Variants in COMMD10 observed in about 807,000 individuals in gnomAD.
COMMD10 encodes COMM domain containing 10, also known as COMM domain-containing protein 10.
Under a neutral mutation model 28.9 loss-of-function variants are expected in COMMD10, and 33 were observed. That is an observed-to-expected ratio of 1.14 (90% CI 0.87 to 1.53). COMMD10 has a LOEUF of 1.53. COMMD10 is among the 40% of genes most tolerant of loss of function. The pLI is 0.00. For missense variants in COMMD10, 310 were observed against 233.4 expected (o/e 1.33, Z -2.14); for synonymous variants, 110 against 81.7 (o/e 1.35, Z -1.87).
At chr5:116,104,198 C>G (rs1327372141) in intron 4 of COMMD10, among the ~76,000 whole-genome samples, 2 of 152,126 alleles carry the variant, frequency 1.3e-5, no homozygotes, top group African/African-American at 4.8e-5. Flanking sequence ...TCAATGGTAG[C>G]TTGATGGGGA....
chr5:116,263,740 G>A (rs1416335711), intron 5 of COMMD10, among the ~76,000 whole-genome samples: 1 of 151,644 alleles, frequency 6.6e-6, no homozygotes, highest in African/African-American at 2.4e-5. Flanking sequence ...TTTACCTATA[G>A]CCTGGAAGCT....
chr5:116,279,046 A>G (rs915253256), intron 5 of COMMD10, among the ~76,000 whole-genome samples: 2 of 151,854 alleles, frequency 1.3e-5, no homozygotes, highest in Non-Finnish European at 2.9e-5. Context: ...ATCTAGCTAA[A>G]TGAAATCACT....
At chr5:116,269,132 A>G (rs1750686742) in intron 5 of COMMD10, among the ~76,000 whole-genome samples, 1 of 151,622 alleles carries the variant, frequency 6.6e-6, no homozygotes, top group Admixed American at 6.6e-5. Context: ...GCTTAAACAG[A>G]AAAAAAATTG....
chr5:116,113,322 T>C (rs917316449), intron 4 of COMMD10, among the ~76,000 whole-genome samples: 1 of 151,990 alleles, frequency 6.6e-6, no homozygotes, highest in African/African-American at 2.4e-5. Context: ...CTGCAGATCA[T>C]GGAGCCTCCT....
intron 5 of COMMD10, among the ~76,000 whole-genome samples, chr5:116,221,657 C>T (rs1203943514): frequency 6.6e-6 from 1 of 152,004 alleles, no homozygotes; most frequent in African/African-American, 2.4e-5. Context: ...AGTGTAGATA[C>T]CTGCATCTCC....
intron 4 of COMMD10, among the ~76,000 whole-genome samples, chr5:116,129,764 T>G (rs1751804551): frequency 9.1e-6 from 1 of 109,618 alleles, no homozygotes; most frequent in Non-Finnish European, 2.1e-5. Context: ...TACTATATAC[T>G]ATATAATATA....
chr5:116,155,358 T>C (rs926740078), intron 5 of COMMD10, among the ~76,000 whole-genome samples: 1 of 152,158 alleles, frequency 6.6e-6, no homozygotes. Context: ...GCCATCAGAA[T>C]CTTCAGATTC....
At chr5:116,254,509 G>A (rs1035532457) in intron 5 of COMMD10, among the ~76,000 whole-genome samples, 132 of 150,804 alleles carry the variant, frequency 8.8e-4, no homozygotes, top group African/African-American at 2.9e-3. Context: ...CTTTGTTCTT[G>A]TTGGTTTCAA....
chr5:116,233,186 C>T (rs887649783), intron 5 of COMMD10, among the ~76,000 whole-genome samples: 2 of 151,990 alleles, frequency 1.3e-5, no homozygotes, highest in Admixed American at 1.3e-4. Flanking sequence ...TAGGTGAGTA[C>T]AGTACAATAA....
At chr5:116,250,378 ATTTG>A (rs1750075740) in intron 5 of COMMD10, among the ~76,000 whole-genome samples, 1 of 151,426 alleles carries the variant, frequency 6.6e-6, no homozygotes, top group Non-Finnish European at 1.5e-5. Flanking sequence ...TGGCGTTTTT[ATTTG>A]TTTAGTTCTT....
chr5:116,189,554 C>T (rs1199311502), intron 5 of COMMD10, among the ~76,000 whole-genome samples: 2 of 152,146 alleles, frequency 1.3e-5, no homozygotes, highest in Non-Finnish European at 2.9e-5. Flanking sequence ...TTAACTTAAC[C>T]AGAAATCACT....
chr5:116,102,056 T>C lies in COMMD10; in HGVS notation c.399+9356T>C, dbSNP rs114074362. ...ATTTCTTTTCCTGGGCAAATCTTCT[T>C]AGTTTAACTAAGTTCCATTTGTCTA... is the stretch of plus-strand genomic sequence containing the variant. On this transcript the variant is annotated intron_variant, in intron 4 of 6. Transcript: ENST00000274458. 3.0e-3 allele frequency among the ~76,000 whole-genome samples: 454 copies of C among 152,322 alleles called. 3 individuals are homozygous for C. The highest frequency in any genetic ancestry group is 0.01 in the African/African-American group (436 of 41,570).
intron 5 of COMMD10, among the ~76,000 whole-genome samples, chr5:116,254,780 T>G (rs924315955): frequency 6.6e-6 from 1 of 151,822 alleles, no homozygotes; most frequent in Admixed American, 6.6e-5. Flanking sequence ...TTCTGTTGAT[T>G]TGGGGTGGAG....
At position 116,195,465 on chromosome 5, in the gene COMMD10, G is replaced by A. The variant is rs139946127; in HGVS notation, c.510+61287G>A. On this transcript the variant is annotated intron_variant, in intron 5 of 6. Coordinates refer to ENST00000274458, the MANE Select transcript of COMMD10 (RefSeq NM_016144.4). ...GGTAAAAGAATTCAGCAAAGTTTCC[G>A]GATACAAGATTAATGTACACAAATC... 6.2e-4 allele frequency among the ~76,000 whole-genome samples: 94 copies of A among 152,170 alleles called. 1 individual carries two copies. The highest frequency in any genetic ancestry group is 1.7e-3 in the African/African-American group (70 of 41,532).
chr5:116,280,377 C>T lies in COMMD10; in HGVS notation c.511-11140C>T, dbSNP rs1490808528. Among the ~76,000 whole-genome samples, 5 of 151,902 alleles carry T rather than the reference C, an allele frequency of 3.3e-5. No homozygotes were observed. The East Asian group carries it at 9.7e-4, about 29-fold the overall frequency. ...TTTGAGCCAGAGCTGGTTGTGACAT[C>T]AATTATTATCCCTTTGGTTGCCAAG... On this transcript the variant is annotated intron_variant, in intron 5 of 6. Transcript: ENST00000274458.
At chr5:116,271,995 G>A (rs1035277880) in intron 5 of COMMD10, among the ~76,000 whole-genome samples, 1 of 151,760 alleles carries the variant, frequency 6.6e-6, no homozygotes, top group African/African-American at 2.4e-5. Flanking sequence ...AATTTAACCT[G>A]TTCCCATGTT....
At chr5:116,249,941 G>A (rs186735248) in intron 5 of COMMD10, among the ~76,000 whole-genome samples, 2 of 151,892 alleles carry the variant, frequency 1.3e-5, no homozygotes, top group East Asian at 3.9e-4. Context: ...AATTATATTT[G>A]TTTAGTGGTA....
chr5:116,249,639 G>T (rs1561391784), intron 5 of COMMD10, among the ~76,000 whole-genome samples: 5 of 151,860 alleles, frequency 3.3e-5, no homozygotes, highest in Admixed American at 1.3e-4. Flanking sequence ...GATAATGCTG[G>T]CACGACTGTG....
At chr5:116,130,459 G>T (rs932411770) in intron 4 of COMMD10, among the ~76,000 whole-genome samples, 3 of 151,924 alleles carry the variant, frequency 2.0e-5, no homozygotes, top group Non-Finnish European at 2.9e-5. Flanking sequence ...TCCGTCTTCT[G>T]GACGTTTGTT....
Sources: gnomAD v4.1 joint callset for allele counts (sites outside exome capture counted in the v4.1 genomes callset) on GRCh38, gnomAD v4.1.1 for gene constraint, MANE v1.5 for transcripts, NCBI Gene and HGNC (gene_info 2026-07-23, HGNC 2026-07-21) for gene names.